The following TBC1D9 variants were observed in gnomAD, a reference collection of about 807,000 sequenced individuals.
TBC1D9 encodes the protein TBC1 domain family member 9.
Under a neutral mutation model 132.0 loss-of-function variants are expected in TBC1D9, and 63 were observed. The ratio of observed to expected loss-of-function variants is 0.48; its 90% CI spans 0.39 to 0.59. The LOEUF (loss-of-function observed/expected upper bound fraction) is 0.59. TBC1D9 is among the 20% of genes least tolerant of loss of function. The pLI, the probability that TBC1D9 is intolerant of heterozygous loss-of-function variation, is 0.00. For synonymous variants in TBC1D9, 610 were observed against 609.9 expected (o/e 1.00, Z 0.00); for missense variants, 1,261 against 1,592.7 (o/e 0.79, Z 3.54).
intron 3 of TBC1D9, among the ~76,000 whole-genome samples, chr4:140,684,074 G>A (rs892266646): frequency 1.3e-5 from 2 of 152,132 alleles, no homozygotes; most frequent in African/African-American, 2.4e-5. Flanking sequence ...AAAATTATAT[G>A]TACATGAGAC....
At chr4:140,673,164 T>C (rs1376074596) in intron 6 of TBC1D9, among the ~76,000 whole-genome samples, 1 of 119,508 alleles carries the variant, frequency 8.4e-6, no homozygotes, top group Non-Finnish European at 1.9e-5. Flanking sequence ...AGAGACCCCA[T>C]ATCAAAAAAA....
chr4:140,628,579 A>ACCCTCTGTACCTCGGTTTC (rs1736743616), intron 16 of TBC1D9, among the ~76,000 whole-genome samples: 1 of 152,112 alleles, frequency 6.6e-6, no homozygotes, highest in East Asian at 1.9e-4. Flanking sequence ...GGAGAGTTAA[A>ACCCTCTGTACCTCGGTTTC]CCCTCTGTAC....
chr4:140,627,944 A>T (rs1736734067), intron 17 of TBC1D9, among the ~76,000 whole-genome samples: 1 of 152,168 alleles, frequency 6.6e-6, no homozygotes, highest in African/African-American at 2.4e-5. Context: ...CCTTGTTTAA[A>T]ATTGAAAAAA....
In TBC1D9 at chr4:140,659,606, A is replaced by G. The variant is rs1160451387; in HGVS notation, c.1903T>C (p.Tyr635His). ...CACTTACCCACAACTCTGGTGTTGT[A>G]GTAATCTGGGAGCATGCGCTCACAC... ...ALCERMLPDY[Y>H]NTRVVGALVD... Residue 635 changes from tyrosine (Y) to histidine (H), a missense_variant, in exon 11 of 21, where the codon TAC becomes CAC. Coordinates refer to ENST00000442267, the MANE Select transcript of TBC1D9 (RefSeq NM_015130.3). 4 of 1,598,702 alleles carry G rather than the reference A, an allele frequency of 2.5e-6. No individual in the cohort carries two copies. Among genetic ancestry groups the G allele is most frequent in the Non-Finnish European group, 3.4e-6 (4 of 1,172,340 alleles).
rs1560881397 is a variant in TBC1D9, at chr4:140,674,676, A to ATAT, written c.1059+2217_1059+2218insATA. Among the ~76,000 whole-genome samples the ATAT allele has an allele frequency of 7.3e-3, 1,030 of 142,008 alleles. 5 individuals are homozygous for ATAT. Among genetic ancestry groups the ATAT allele is most frequent in the African/African-American group, 0.027 (945 of 35,398 alleles). 93.2% of individuals were successfully genotyped at this position (142,008 alleles called of 152,430 possible). Reference sequence around the variant, plus strand: ...TTAAAAAAAAATTACATTGTAGAAGAATATATATATATATATTTTTTTTTA... The same window carrying ATAT: ...TTAAAAAAAAATTACATTGTAGAAGATATATATATATATATATATTTTTTTTTA... On this transcript the variant is annotated intron_variant, in intron 6 of 20. Transcript: ENST00000442267.
chr4:140,697,641 G>A (rs1393114842), intron 2 of TBC1D9, among the ~76,000 whole-genome samples: 2 of 152,202 alleles, frequency 1.3e-5, no homozygotes, highest in Non-Finnish European at 2.9e-5. Flanking sequence ...CCTTGGCTCA[G>A]CAAATAATTC....
intron 1 of TBC1D9, among the ~76,000 whole-genome samples, chr4:140,744,925 C>A (rs1578865311): frequency 6.6e-6 from 1 of 150,986 alleles, no homozygotes; most frequent in African/African-American, 2.4e-5. Context: ...CTTCACAACC[C>A]CTTACCTTTA....
intron 13 of TBC1D9, chr4:140,642,244 A>T (rs1737012817): frequency 1.1e-5 from 8 of 719,542 alleles, no homozygotes; most frequent in Non-Finnish European, 2.0e-5. Flanking sequence ...TCTTCCTCTG[A>T]GTCTGTATTG....
chr4:140,736,906 A>G (rs1480457533), intron 1 of TBC1D9, among the ~76,000 whole-genome samples: 2 of 152,186 alleles, frequency 1.3e-5, no homozygotes, highest in African/African-American at 4.8e-5. Context: ...CAACCAGTGG[A>G]GTCACTTGTC....
chr4:140,623,454 G>C lies in TBC1D9; in HGVS notation c.3079-537C>G, dbSNP rs559399239. 3.7e-4 allele frequency among the ~76,000 whole-genome samples: 56 copies of C among 152,148 alleles called. 1 individual carries two copies. Among genetic ancestry groups the C allele is most frequent in the Non-Finnish European group, 2.6e-4 (18 of 68,028 alleles). On this transcript the variant is annotated intron_variant, in intron 20 of 20. Coordinates refer to ENST00000442267, the MANE Select transcript of TBC1D9 (RefSeq NM_015130.3). ...TAAACATCCATGTACAGCTCACCTCGAGTCAAGAAGGACTATGTCATACAT... is the reference window on the plus strand; with the variant it reads ...TAAACATCCATGTACAGCTCACCTCCAGTCAAGAAGGACTATGTCATACAT...
At chr4:140,741,918 C>T (rs1738764199) in intron 1 of TBC1D9, among the ~76,000 whole-genome samples, 1 of 152,210 alleles carries the variant, frequency 6.6e-6, no homozygotes, top group Non-Finnish European at 1.5e-5. Flanking sequence ...TTTGAATCCA[C>T]ATATGACCTG....
At chr4:140,662,532 A>G (rs1274578306) in intron 9 of TBC1D9, among the ~76,000 whole-genome samples, 1 of 152,236 alleles carries the variant, frequency 6.6e-6, no homozygotes, top group Non-Finnish European at 1.5e-5. Context: ...TTCACTTGAA[A>G]TAGGAGGTTC....
chr4:140,642,007 G>C (rs1191773436), intron 13 of TBC1D9: 1 of 629,612 alleles, frequency 1.6e-6, no homozygotes, highest in Non-Finnish European at 2.9e-6. Context: ...ATGCACCTTA[G>C]CCTCTCGAAG....
At chr4:140,740,909 C>T (rs1004245746) in intron 1 of TBC1D9, among the ~76,000 whole-genome samples, 3 of 152,196 alleles carry the variant, frequency 2.0e-5, no homozygotes, top group Non-Finnish European at 4.4e-5. Flanking sequence ...ATCTAATGTT[C>T]CCTGAAAGAA....
In TBC1D9 at chr4:140,620,837, T is replaced by G. The variant is rs990096102; in HGVS notation, c.*1358A>C. 15 of 152,646 alleles carry G rather than the reference T, an allele frequency of 9.8e-5. No homozygotes were observed. The highest frequency in any genetic ancestry group is 2.9e-4 in the African/African-American group (12 of 41,460). The allele number at this position is 152,646 out of a possible 1,614,324, so 9.5% of individuals were successfully genotyped here. A position where few individuals can be genotyped will look rare whatever the true frequency, so the allele number is the denominator to read the frequency against. ...CATTTAGCCTATTTGAGGTTAACAC[T>G]ACTTCATTTGACAGTTTAAAAATCA... On this transcript the variant is annotated 3_prime_UTR_variant, in exon 21 of 21. Coordinates refer to ENST00000442267, the MANE Select transcript of TBC1D9 (RefSeq NM_015130.3).
intron 1 of TBC1D9, among the ~76,000 whole-genome samples, chr4:140,712,449 A>AATATATATATATAT (rs10530134): frequency 0.24 from 25,040 of 102,508 alleles, 4,647 homozygotes; most frequent in East Asian, 0.45. Flanking sequence ...AAAAAAAAAG[A>AATATATATATATAT]ATATATATAT....
rs761903244 is a variant in TBC1D9 at position 140,706,465 on chromosome 4, T to C, written c.131-4851A>G. 1.1e-4 allele frequency among the ~76,000 whole-genome samples: 17 copies of C among 152,120 alleles called. No individual in the cohort carries two copies. The highest frequency in any genetic ancestry group is 2.4e-4 in the Non-Finnish European group (16 of 68,030). ...CTAAGCACTATTGTGTAATGAATCA[T>C]TCAAAACAATAGAAAAGTACAGGAA... On this transcript the variant is annotated intron_variant, in intron 1 of 20. Transcript: ENST00000442267. This position sits in a 1 kb window ranked among gnomAD's most constrained non-coding sequence, Gnocchi z 4.0.
chr4:140,732,639 A>G (rs1313968303), intron 1 of TBC1D9, among the ~76,000 whole-genome samples: 2 of 152,212 alleles, frequency 1.3e-5, no homozygotes, highest in African/African-American at 2.4e-5. Context: ...CAGCCACACC[A>G]TTACAAGTTA....
chr4:140,725,022 T>G lies in TBC1D9; in HGVS notation c.131-23408A>C, dbSNP rs879676064. Among the ~76,000 whole-genome samples, 32 of 152,200 alleles carry G rather than the reference T, an allele frequency of 2.1e-4. 1 individual carries two copies. The highest frequency in any genetic ancestry group is 4.1e-4 in the Non-Finnish European group (28 of 68,038). ...TGGCAATACCTATCAAAATTGCAAA[T>G]GCATATACCAATGGCCCTACGATTT... On this transcript the variant is annotated intron_variant, in intron 1 of 20. Coordinates refer to ENST00000442267, the MANE Select transcript of TBC1D9 (RefSeq NM_015130.3).
Sources: allele counts gnomAD v4.1 joint callset (sites outside exome capture counted in the v4.1 genomes callset), GRCh38; gene constraint gnomAD v4.1.1; non-coding constraint Gnocchi (gnomAD v3.1); transcripts MANE v1.5; gene names NCBI Gene and HGNC (gene_info 2026-07-23, HGNC 2026-07-21).